BCAR3: variants seen among roughly 807,000 people sequenced by gnomAD.
The protein encoded by BCAR3 is breast cancer anti-estrogen resistance protein 3.
In BCAR3, 37 loss-of-function variants were observed where a neutral mutation model predicts 80.1. The ratio of observed to expected loss-of-function variants is 0.46; its 90% confidence interval spans 0.36 to 0.61. The LOEUF (loss-of-function observed/expected upper bound fraction) is 0.61. Ranked by LOEUF, BCAR3 falls within the 20% of genes least tolerant of loss-of-function variation. The pLI, the probability that BCAR3 is intolerant of heterozygous loss-of-function variation, is 0.00. For missense variants in BCAR3, 978 were observed against 1,068.2 expected (o/e 0.92, Z 1.18); for synonymous variants, 389 against 418.9 (o/e 0.93, Z 0.87).
intron 3 of BCAR3, among the ~76,000 whole-genome samples, chr1:93,614,494 G>A (rs1675046836): frequency 6.6e-6 from 1 of 152,022 alleles, no homozygotes; most frequent in Non-Finnish European, 1.5e-5. Context: ...TTCCCTAGGA[G>A]AAATACTAGA....
intron 2 of BCAR3, among the ~76,000 whole-genome samples, chr1:93,811,198 G>A (rs1653828486): frequency 6.6e-6 from 1 of 152,164 alleles, no homozygotes; most frequent in African/African-American, 2.4e-5. Context: ...AGACTGGCCA[G>A]TGCGGCTTCC....
intron 2 of BCAR3, among the ~76,000 whole-genome samples, chr1:93,788,220 T>G (rs1653020384): frequency 1.3e-5 from 2 of 152,196 alleles, no homozygotes; most frequent in African/African-American, 4.8e-5. Context: ...GTGAGTCTCT[T>G]GAAGTCAGTA....
chr1:93,577,542 A>G (rs1673505918), intron 7 of BCAR3, among the ~76,000 whole-genome samples: 1 of 152,128 alleles, frequency 6.6e-6, no homozygotes, highest in Admixed American at 6.5e-5. Flanking sequence ...ACCTTTCTCA[A>G]GGACTTTGCA....
intron 2 of BCAR3, among the ~76,000 whole-genome samples, chr1:93,786,687 C>A (rs181624562): frequency 6.6e-6 from 1 of 152,112 alleles, no homozygotes; most frequent in Non-Finnish European, 1.5e-5. Flanking sequence ...AGCACAGATA[C>A]CAAAATTTTT....
intron 3 of BCAR3, among the ~76,000 whole-genome samples, chr1:93,594,214 G>C (rs1674329420): frequency 6.6e-6 from 1 of 152,154 alleles, no homozygotes; most frequent in Admixed American, 6.5e-5. Context: ...CAGGCACTGG[G>C]TATTCAGTAA....
intron 2 of BCAR3, among the ~76,000 whole-genome samples, chr1:93,667,315 G>T (rs1287194010): frequency 6.6e-6 from 1 of 152,218 alleles, no homozygotes; most frequent in East Asian, 1.9e-4. Context: ...TCCCAGTAGG[G>T]TGTACCAGGG....
chr1:93,707,584 G>A (rs1649868531), intron 2 of BCAR3, among the ~76,000 whole-genome samples: 1 of 152,092 alleles, frequency 6.6e-6, no homozygotes, highest in Non-Finnish European at 1.5e-5. Context: ...GCGCGTGCCT[G>A]TAATCCCAGC....
At chr1:93,840,329 G>A (rs1244594317) in intron 2 of BCAR3, among the ~76,000 whole-genome samples, 1 of 152,164 alleles carries the variant, frequency 6.6e-6, no homozygotes. Flanking sequence ...TCTGGGAATG[G>A]GGCAATGATC....
At chr1:93,638,141 C>T (rs1315036548) in intron 3 of BCAR3, among the ~76,000 whole-genome samples, 7 of 152,098 alleles carry the variant, frequency 4.6e-5, no homozygotes, top group Non-Finnish European at 2.9e-5. Context: ...TCCAGCTACT[C>T]GGGAGGCTGA....
chr1:93,798,741 A>G (rs12125068), intron 2 of BCAR3, among the ~76,000 whole-genome samples: 21,510 of 152,102 alleles, frequency 0.14, 2,482 homozygotes, highest in African/African-American at 0.31. Context: ...GTATTTTTCA[A>G]ACTTATCCTT....
chr1:93,617,229 C>A (rs956799361), intron 3 of BCAR3, among the ~76,000 whole-genome samples: 2 of 152,220 alleles, frequency 1.3e-5, no homozygotes, highest in African/African-American at 2.4e-5. Context: ...TCCCAAAGCA[C>A]CACGGTCCCT....
intron 6 of BCAR3, among the ~76,000 whole-genome samples, chr1:93,583,317 G>A (rs1448267642): frequency 2.6e-5 from 4 of 152,078 alleles, no homozygotes; most frequent in Non-Finnish European, 4.4e-5. Context: ...AACAGAAGTC[G>A]TTAGCCACCT....
At chr1:93,575,261 AGGACAT>A (rs753486787) in intron 8 of BCAR3, among the ~76,000 whole-genome samples, 2 of 152,252 alleles carry the variant, frequency 1.3e-5, no homozygotes, top group African/African-American at 2.4e-5. Context: ...AATGGCAACT[AGGACAT>A]GGGCTGGACA....
chr1:93,661,249 G>C (rs1647639540), intron 2 of BCAR3, among the ~76,000 whole-genome samples: 1 of 152,028 alleles, frequency 6.6e-6, no homozygotes, highest in Non-Finnish European at 1.5e-5. Context: ...ATGTTGGTCA[G>C]GTTGGTCTTG....
At chr1:93,675,437 T>C (rs2101948203) in intron 1 of BCAR3, among the ~76,000 whole-genome samples, 1 of 152,372 alleles carries the variant, frequency 6.6e-6, no homozygotes, top group African/African-American at 2.4e-5. Flanking sequence ...ACAGAATTTT[T>C]CTGGCAAAGA....
chr1:93,811,837 T>A (rs527927479), intron 2 of BCAR3, among the ~76,000 whole-genome samples: 1 of 152,326 alleles, frequency 6.6e-6, no homozygotes, highest in East Asian at 1.9e-4. Context: ...AAGAGCCAAC[T>A]GACATATTTT....
At chr1:93,686,822 C>T (rs181903243), upstream of BCAR3, among the ~76,000 whole-genome samples, 1 of 152,274 alleles carries the variant, frequency 6.6e-6, no homozygotes, top group Non-Finnish European at 1.5e-5. Flanking sequence ...TGTCCATGAC[C>T]ACTCTTGCTA....
At chr1:93,621,675 C>T (rs1024708808) in intron 3 of BCAR3, among the ~76,000 whole-genome samples, 1 of 152,188 alleles carries the variant, frequency 6.6e-6, no homozygotes, top group Admixed American at 6.5e-5. Context: ...AACCCCTTCA[C>T]TCAGTGGGTG....
intron 1 of BCAR3, among the ~76,000 whole-genome samples, chr1:93,678,857 T>C (rs935224572): frequency 6.6e-6 from 1 of 152,170 alleles, no homozygotes; most frequent in African/African-American, 2.4e-5. Context: ...GCAAAGGTCT[T>C]GCCATAGGAA....
Sources: gnomAD v4.1 joint callset for allele counts (sites outside exome capture counted in the v4.1 genomes callset) on GRCh38, gnomAD v4.1.1 for gene constraint, MANE v1.5 for transcripts, NCBI Gene and HGNC (gene_info 2026-07-23, HGNC 2026-07-21) for gene names.